Variants in USH2A observed in about 807,000 individuals in gnomAD.
USH2A encodes usherin, also known as Usher syndrome 2A (autosomal recessive, mild).
Under a neutral mutation model 538.9 loss-of-function variants are expected in USH2A, and 443 were observed. That is an observed-to-expected ratio of 0.82 (90% CI 0.76 to 0.89). The LOEUF (loss-of-function observed/expected upper bound fraction) is 0.89, where lower values mean the gene tolerates loss of function less well. Among genes scored for constraint, USH2A ranks in the 40% least tolerant of loss-of-function variants. The pLI, the probability that USH2A is intolerant of heterozygous loss-of-function variation, is 0.00. For missense variants in USH2A, 6,633 were observed against 6,324.8 expected (o/e 1.05, Z -1.65); for synonymous variants, 2,413 against 2,273.5 (o/e 1.06, Z -1.75).
intron 47 of USH2A, among the ~76,000 whole-genome samples, chr1:215,825,238 A>G (rs1486120287): frequency 6.6e-6 from 1 of 152,092 alleles, no homozygotes; most frequent in Non-Finnish European, 1.5e-5. Context: ...TTATTTTTAG[A>G]GATGGGATCT....
intron 11 of USH2A, among the ~76,000 whole-genome samples, chr1:216,283,717 C>A (rs1037993807): frequency 6.6e-6 from 1 of 152,120 alleles, no homozygotes; most frequent in Non-Finnish European, 1.5e-5. Context: ...GGAAACTATC[C>A]TTGCAGACCA....
At chr1:215,691,525 A>G (rs1307034055) in intron 61 of USH2A, among the ~76,000 whole-genome samples, 2 of 152,094 alleles carry the variant, frequency 1.3e-5, no homozygotes, top group Non-Finnish European at 2.9e-5. Context: ...CATCTTCTCA[A>G]TGAGCCACTC....
At chr1:216,180,752 G>A (rs1314100525) in intron 20 of USH2A, among the ~76,000 whole-genome samples, 1 of 152,108 alleles carries the variant, frequency 6.6e-6, no homozygotes, top group Non-Finnish European at 1.5e-5. Flanking sequence ...TGGGTGGGGA[G>A]CAGACTACAT....
At chr1:216,115,500 A>G (rs1219287188) in intron 21 of USH2A, among the ~76,000 whole-genome samples, 3 of 152,224 alleles carry the variant, frequency 2.0e-5, no homozygotes, top group Non-Finnish European at 4.4e-5. Flanking sequence ...GAAAAAATAT[A>G]TGAAAGTACA....
chr1:215,778,812 C>T (rs185772501), intron 55 of USH2A, among the ~76,000 whole-genome samples: 1 of 152,172 alleles, frequency 6.6e-6, no homozygotes, highest in African/African-American at 2.4e-5. Context: ...TCAGTAGACT[C>T]GAATAATGAA....
intron 61 of USH2A, among the ~76,000 whole-genome samples, chr1:215,693,092 A>ATGTGTGTGTGTGTG (rs60566275): frequency 7.6e-6 from 1 of 131,664 alleles, no homozygotes; most frequent in Non-Finnish European, 1.6e-5. Context: ...ATATATATAT[A>ATGTGTGTGTGTGTG]TGTGTGTGTG....
chr1:215,682,504 G>A (rs1036332319), intron 61 of USH2A, among the ~76,000 whole-genome samples: 26 of 151,852 alleles, frequency 1.7e-4, no homozygotes, highest in African/African-American at 6.3e-4. Flanking sequence ...CACACTCCAG[G>A]CAACCATTAA....
intron 35 of USH2A, among the ~76,000 whole-genome samples, chr1:215,979,129 C>T (rs1667690107): frequency 6.6e-6 from 1 of 152,138 alleles, no homozygotes; most frequent in Non-Finnish European, 1.5e-5. Flanking sequence ...TTTTACATGG[C>T]AGCAGGTAAG....
At chr1:216,321,862 C>T (rs960250865) in intron 9 of USH2A, 21 bp downstream of exon 9, 17 of 1,598,830 alleles carry the variant, frequency 1.1e-5, no homozygotes, top group Non-Finnish European at 1.5e-5. Flanking sequence ...TTTAGATTTC[C>T]ATGCATAAAA....
chr1:215,754,023 A>G (rs1660710765), intron 58 of USH2A, among the ~76,000 whole-genome samples: 1 of 152,232 alleles, frequency 6.6e-6, no homozygotes, highest in Admixed American at 6.5e-5. Flanking sequence ...AGGCAGTAGC[A>G]GACAGTAGAC....
At chr1:216,313,704 C>T (rs576125189) in intron 9 of USH2A, among the ~76,000 whole-genome samples, 3 of 152,078 alleles carry the variant, frequency 2.0e-5, no homozygotes, top group South Asian at 4.2e-4. Context: ...TATTGAGAGT[C>T]TGCTGGTGAT....
intron 26 of USH2A, among the ~76,000 whole-genome samples, chr1:216,082,312 T>G (rs2031975502): frequency 6.6e-6 from 1 of 152,138 alleles, no homozygotes; most frequent in South Asian, 2.1e-4. Flanking sequence ...CAGAGAAGAT[T>G]CATAGACATT....
rs745352352 is a variant in USH2A at position 216,196,701 on chromosome 1, G to A, written c.4103C>T (p.Pro1368Leu). The change falls in exon 19 of 72, where the codon CCT (proline) becomes CTT (leucine). Residue 1368 changes from proline (P) to leucine (L), a missense_variant. Transcript: ENST00000307340. Reference protein sequence around the residue: ...GESAPVFMIPPSVFPLSSYSL... With the variant: ...GESAPVFMIPLSVFPLSSYSL... ...GTACGAAGAGAGGGGAAAGACTGAA[G>A]GAGGGATCATGAATACAGGTGCTAT... 1 of 1,613,182 alleles carries A rather than the reference G, an allele frequency of 6.2e-7. No homozygotes were observed. The highest frequency in any genetic ancestry group is 8.5e-7 in the Non-Finnish European group (1 of 1,179,526).
intron 11 of USH2A, among the ~76,000 whole-genome samples, chr1:216,270,554 G>A (rs929737958): frequency 6.6e-6 from 1 of 151,948 alleles, no homozygotes; most frequent in African/African-American, 2.4e-5. Flanking sequence ...GTTTTGAAAG[G>A]TCATACTACA....
rs184528301 is a variant in USH2A, at chr1:215,977,662, G to A, written c.6806-6886C>T. On this transcript the variant is annotated intron_variant, in intron 35 of 71. Transcript: ENST00000307340. ...CAAGTAGCTGGGATTATAGGTGCCC[G>A]CCATCACGCCCAACTAATTTTTGTG... Among the ~76,000 whole-genome samples the A allele has an allele frequency of 2.2e-4, 33 of 151,992 alleles. No individual in the cohort carries two copies. The East Asian group carries it at 4.1e-3, about 19-fold the overall frequency.
At chr1:215,935,900 C>T (rs1000501150) in intron 37 of USH2A, among the ~76,000 whole-genome samples, 3 of 151,932 alleles carry the variant, frequency 2.0e-5, no homozygotes, top group Non-Finnish European at 2.9e-5. Flanking sequence ...TAAAAATTAT[C>T]TGGTCATGGT....
intron 32 of USH2A, among the ~76,000 whole-genome samples, chr1:216,027,155 C>A (rs761980229): frequency 2.0e-4 from 30 of 152,010 alleles, no homozygotes; most frequent in Non-Finnish European, 3.5e-4. Context: ...GGGATGTGGT[C>A]TTTAAAGAGG....
At position 215,675,584 on chromosome 1, in the gene USH2A, C is replaced by T. The variant is rs1485003545; in HGVS notation, c.12327G>A (p.Glu4109=). ...TYNIFSDGFL[E]YSGLNRQFLF... ...GAAACTGACGATTCAAACCAGAGTACTCCAGGAACCCGTCACTGAAGATGT... is the reference window on the plus strand; with the variant it reads ...GAAACTGACGATTCAAACCAGAGTATTCCAGGAACCCGTCACTGAAGATGT... The change falls in exon 63 of 72, where the codon GAG becomes GAA. Residue 4109 remains glutamate, a synonymous_variant. Coordinates refer to ENST00000307340, the MANE Select transcript of USH2A (RefSeq NM_206933.4). 6.2e-7 allele frequency: 1 copy of T among 1,614,108 alleles called. No homozygotes were observed. The highest frequency in any genetic ancestry group is 8.5e-7 in the Non-Finnish European group (1 of 1,180,010).
In USH2A at chr1:215,993,221, G is replaced by A. The variant is rs569114747; in HGVS notation, c.6658-54C>T. 425 of 1,613,118 alleles carry A rather than the reference G, an allele frequency of 2.6e-4. 10 individuals carry two copies. In the South Asian group the frequency reaches 4.3e-3, roughly 16 times the overall value. On this transcript the variant is annotated intron_variant, in intron 34 of 71. Transcript: ENST00000307340. ...CACTCTTGGTCCCAAAAGTTTTCAT[G>A]AACATTGAGGAAAGAGAATTCATAA...
Sources: gnomAD v4.1 joint callset for allele counts (sites outside exome capture counted in the v4.1 genomes callset) on GRCh38, gnomAD v4.1.1 for gene constraint, MANE v1.5 for transcripts, NCBI Gene and HGNC (gene_info 2026-07-23, HGNC 2026-07-21) for gene names.